FOXP1: variants seen among roughly 807,000 people sequenced by gnomAD.
The protein encoded by FOXP1 is forkhead box protein P1.
Under a neutral mutation model 98.2 loss-of-function variants are expected in FOXP1, and 15 were observed. The observed-to-expected ratio is 0.15, with a 90% CI of 0.10 to 0.24. FOXP1 has a LOEUF of 0.24. Ranked by LOEUF, FOXP1 falls within the 10% of genes least tolerant of loss-of-function variation. The probability of loss-of-function intolerance (pLI) is 1.00; values close to 1 mark genes in which losing one functional copy is unlikely to be tolerated. For missense variants in FOXP1, 633 were observed against 848.5 expected (o/e 0.75, Z 3.15); for synonymous variants, 371 against 314.5 (o/e 1.18, Z -1.90).
chr3:71,203,438 T>C (rs934469703), intron 5 of FOXP1, among the ~76,000 whole-genome samples: 3 of 152,252 alleles, frequency 2.0e-5, no homozygotes, highest in African/African-American at 7.2e-5. Flanking sequence ...AAATTCATAA[T>C]GTCCAGGCCA....
chr3:71,387,442 A>G (rs1277212803), intron 3 of FOXP1, among the ~76,000 whole-genome samples: 2 of 152,242 alleles, frequency 1.3e-5, no homozygotes, highest in South Asian at 4.1e-4. Context: ...AGGATTTTAT[A>G]GCTAAGACAT....
chr3:70,981,933 C>T (rs1308307202), intron 14 of FOXP1, among the ~76,000 whole-genome samples: 1 of 152,198 alleles, frequency 6.6e-6, no homozygotes, highest in Non-Finnish European at 1.5e-5. Context: ...CTTTGCCACA[C>T]AAAATCATTT....
At chr3:71,342,028 TG>T (rs1469874419) in intron 4 of FOXP1, among the ~76,000 whole-genome samples, 4 of 125,168 alleles carry the variant, frequency 3.2e-5, no homozygotes, top group Non-Finnish European at 7.1e-5. Flanking sequence ...TTGAATCTTA[TG>T]TTTTTTTCTG....
At chr3:71,405,778 G>A (rs2082275504) in intron 3 of FOXP1, among the ~76,000 whole-genome samples, 1 of 151,890 alleles carries the variant, frequency 6.6e-6, no homozygotes, top group Non-Finnish European at 1.5e-5. Flanking sequence ...ACCCAGGCTG[G>A]AGTGCAGTGG....
chr3:71,582,552 C>T (rs1454579681), intron 1 of FOXP1: 6 of 985,334 alleles, frequency 6.1e-6, no homozygotes, highest in East Asian at 1.1e-4. Context: ...CGAGGCGACA[C>T]GCGCGCGACG....
chr3:71,486,162 A>G (rs1481464699), intron 3 of FOXP1, among the ~76,000 whole-genome samples: 5 of 152,212 alleles, frequency 3.3e-5, no homozygotes, highest in Non-Finnish European at 7.3e-5. Flanking sequence ...AATTCTGAGC[A>G]GGTGACTTAT....
At chr3:71,091,742 T>C (rs899283383) in intron 7 of FOXP1, among the ~76,000 whole-genome samples, 2 of 152,122 alleles carry the variant, frequency 1.3e-5, no homozygotes, top group African/African-American at 4.8e-5. Context: ...GAGTCTAAAA[T>C]AAAATATAAT....
intron 3 of FOXP1, among the ~76,000 whole-genome samples, chr3:71,392,642 A>C (rs2081112651): frequency 6.6e-6 from 1 of 152,180 alleles, no homozygotes; most frequent in South Asian, 2.1e-4. Flanking sequence ...AAATACTTAA[A>C]CTTTGGAAAT....
intron 13 of FOXP1, among the ~76,000 whole-genome samples, chr3:71,000,127 G>T (rs568879708): frequency 8.5e-4 from 129 of 151,904 alleles, no homozygotes; most frequent in Non-Finnish European, 1.4e-3. Context: ...TACCAAGAAT[G>T]GAATTATTGT....
chr3:71,386,741 CA>C (rs5850010), intron 3 of FOXP1, among the ~76,000 whole-genome samples: 266 of 90,968 alleles, frequency 2.9e-3, no homozygotes, highest in African/African-American at 9.6e-3. Flanking sequence ...GATTCCGTCT[CA>C]AAAAAAAAAA....
chr3:71,241,386 G>C (rs965268175), intron 5 of FOXP1, among the ~76,000 whole-genome samples: 11 of 152,134 alleles, frequency 7.2e-5, no homozygotes, highest in Admixed American at 2.6e-4. Context: ...CTGACTTAGG[G>C]GCGAGTGGAG....
At chr3:71,373,314 T>A (rs1479113668) in intron 3 of FOXP1, among the ~76,000 whole-genome samples, 1 of 92,594 alleles carries the variant, frequency 1.1e-5, no homozygotes, top group Non-Finnish European at 2.6e-5. Context: ...CTCCAAAATG[T>A]TCGCCTTTAC....
intron 3 of FOXP1, among the ~76,000 whole-genome samples, chr3:71,424,094 A>G (rs144034769): frequency 5.3e-5 from 8 of 152,306 alleles, no homozygotes; most frequent in Middle Eastern, 3.4e-3. Flanking sequence ...GGCCTGGCTT[A>G]GAAACATTTC....
intron 6 of FOXP1, among the ~76,000 whole-genome samples, chr3:71,118,790 T>G (rs958160726): frequency 3.3e-5 from 5 of 152,252 alleles, no homozygotes; most frequent in Admixed American, 3.3e-4. Context: ...GAAACTTATA[T>G]GGTATTCAAA....
chr3:71,210,381 C>G lies in FOXP1; in HGVS notation c.-11-11989G>C, dbSNP rs189076023. Reference sequence around the variant, plus strand: ...CCCTCTCTGCCAACCATCATCTTTCCCCAAATCAACATAGTCCCTGAGGCC... The same window carrying G: ...CCCTCTCTGCCAACCATCATCTTTCGCCAAATCAACATAGTCCCTGAGGCC... On this transcript the variant is annotated intron_variant, in intron 5 of 20. Coordinates refer to ENST00000649528, the MANE Select transcript of FOXP1 (RefSeq NM_001349338.3). Among the ~76,000 whole-genome samples, 75 of 152,274 alleles carry G rather than the reference C, an allele frequency of 4.9e-4. 1 individual carries two copies. Among genetic ancestry groups the G allele is most frequent in the African/African-American group, 1.7e-3 (72 of 41,546 alleles).
chr3:71,212,097 G>GCTTAC (rs749763303), intron 5 of FOXP1, among the ~76,000 whole-genome samples: 6 of 152,278 alleles, frequency 3.9e-5, no homozygotes, highest in Middle Eastern at 3.4e-3. Flanking sequence ...ACAACTGGGA[G>GCTTAC]AGACAGATTA....
rs371749048 is a variant in FOXP1 at position 70,976,818 on chromosome 3, G to T, written c.1530+123C>A. The T allele has an allele frequency of 5.5e-6, 4 of 722,678 alleles. No individual in the cohort carries two copies. In the African/African-American group the frequency reaches 7.0e-5, roughly 13 times the overall value. The allele number at this position is 722,678 out of a possible 1,614,324, so 44.8% of individuals were successfully genotyped here. A position where few individuals can be genotyped will look rare whatever the true frequency, so the allele number is the denominator to read the frequency against. ...CCCAATCAAATACACCTAGAGATTGGACACTTTAAGAGTATCAAAACAATA... is the reference window on the plus strand; with the variant it reads ...CCCAATCAAATACACCTAGAGATTGTACACTTTAAGAGTATCAAAACAATA... On this transcript the variant is annotated intron_variant, in intron 17 of 20. Coordinates refer to ENST00000649528, the MANE Select transcript of FOXP1 (RefSeq NM_001349338.3).
intron 6 of FOXP1, among the ~76,000 whole-genome samples, chr3:71,168,124 G>A (rs1227038972): frequency 2.0e-5 from 3 of 152,140 alleles, no homozygotes; most frequent in Non-Finnish European, 4.4e-5. Flanking sequence ...TCATAGGAAT[G>A]ACGTTAAAAT....
At chr3:71,437,921 G>A (rs373950990) in intron 3 of FOXP1, among the ~76,000 whole-genome samples, 1 of 152,162 alleles carries the variant, frequency 6.6e-6, no homozygotes, top group Non-Finnish European at 1.5e-5. Flanking sequence ...CTGTGTACAC[G>A]AAATTGAGTC....
Sources: allele counts gnomAD v4.1 joint callset (sites outside exome capture counted in the v4.1 genomes callset), GRCh38; gene constraint gnomAD v4.1.1; transcripts MANE v1.5; gene names NCBI Gene and HGNC (gene_info 2026-07-23, HGNC 2026-07-21).